ZMYND11: variants seen among roughly 807,000 people sequenced by gnomAD.
The protein encoded by ZMYND11 is zinc finger MYND-type containing 11.
ZMYND11 carries 9 observed loss-of-function variants against 84.9 expected under a neutral mutation model. The ratio of observed to expected loss-of-function variants is 0.11; its 90% confidence interval spans 0.06 to 0.18. ZMYND11 has a LOEUF of 0.18. Among genes scored for constraint, ZMYND11 ranks in the 10% least tolerant of loss-of-function variants. The probability of loss-of-function intolerance (pLI) is 1.00; values close to 1 mark genes in which losing one functional copy is unlikely to be tolerated. For missense variants in ZMYND11, 409 were observed against 761.0 expected, an observed-to-expected ratio of 0.54 and a Z score of 5.44; for synonymous variants, 250 against 244.1, an observed-to-expected ratio of 1.02 and a Z score of -0.23.
intron 2 of ZMYND11, among the ~76,000 whole-genome samples, chr10:202,160 T>C (rs531899121): frequency 6.6e-6 from 1 of 152,304 alleles, no homozygotes; most frequent in East Asian, 1.9e-4. Flanking sequence ...CAGAGTTTAT[T>C]ATTAATTCCA....
intron 4 of ZMYND11, among the ~76,000 whole-genome samples, chr10:233,063 G>GAGGT (rs1949277320): frequency 6.6e-6 from 1 of 152,170 alleles, no homozygotes; most frequent in Admixed American, 6.5e-5. Flanking sequence ...TTTACATGAC[G>GAGGT]AGGTCTCTTA....
At chr10:150,967 G>A (rs1010539680) in intron 1 of ZMYND11, among the ~76,000 whole-genome samples, 2 of 152,182 alleles carry the variant, frequency 1.3e-5, no homozygotes, top group Non-Finnish European at 2.9e-5. Context: ...GGTCTGGAGT[G>A]GACCTCCAGC....
At chr10:227,078 A>G (rs531305601) in intron 4 of ZMYND11, among the ~76,000 whole-genome samples, 42 of 152,214 alleles carry the variant, frequency 2.8e-4, no homozygotes, top group Non-Finnish European at 4.4e-4. Flanking sequence ...ATGTAGAAAC[A>G]CAAGAAAATG....
chr10:191,504 G>A, intron 2 of ZMYND11, among the ~76,000 whole-genome samples: 1 of 152,202 alleles, frequency 6.6e-6, no homozygotes. Flanking sequence ...CAGGTCACGT[G>A]TTGGAATTGG....
chr10:148,845 G>C (rs1211851981), intron 1 of ZMYND11: 5 of 152,086 alleles, frequency 3.3e-5, no homozygotes. Context: ...ACTGTCTTCC[G>C]GGTTAGACCT....
At chr10:203,174 C>T (rs1273504629) in intron 2 of ZMYND11, among the ~76,000 whole-genome samples, 2 of 152,006 alleles carry the variant, frequency 1.3e-5, no homozygotes, top group Admixed American at 6.6e-5. Flanking sequence ...GATAAGGATA[C>T]CCACTGTTAC....
At chr10:153,608 C>G (rs1840946296) in intron 1 of ZMYND11, among the ~76,000 whole-genome samples, 1 of 152,148 alleles carries the variant, frequency 6.6e-6, no homozygotes, top group Admixed American at 6.5e-5. Flanking sequence ...AATGGCAATT[C>G]AAAGCATTTA....
In ZMYND11 at chr10:246,814, T is replaced by C. The variant is rs774625732; in HGVS notation, c.999T>C (p.His333=). 1 of 1,614,150 alleles carries C rather than the reference T, an allele frequency of 6.2e-7. No homozygotes were observed. Among genetic ancestry groups the C allele is most frequent in the Non-Finnish European group, 8.5e-7 (1 of 1,180,040 alleles). ...TTCAAGATATCACAGTCAACATTCA[T>C]CGGCTGCACGTGAAGCGCAGTATGG... ...ENIQDITVNI[H]RLHVKRSMGW... is the part of the protein sequence containing the mutation. The change falls in exon 11 of 15, where the codon CAT becomes CAC. Residue 333 remains histidine, a synonymous_variant. Transcript: ENST00000381604.
chr10:167,466 A>G lies in ZMYND11; in HGVS notation c.-19-12528A>G, dbSNP rs9419434. On this transcript the variant is annotated intron_variant, in intron 1 of 14. Transcript: ENST00000381604. ...ATCCTTTTGCTTTACTAGTATAACT[A>G]AAAAAGTAATTAAAAAATTTTTTAA... Among the ~76,000 whole-genome samples the G allele has an allele frequency of 1.6e-3, 242 of 152,282 alleles. 1 individual carries two copies. The highest frequency in any genetic ancestry group is 5.6e-3 in the African/African-American group (231 of 41,568).
At chr10:141,687 A>G (rs1365796463) in intron 1 of ZMYND11, among the ~76,000 whole-genome samples, 1 of 152,218 alleles carries the variant, frequency 6.6e-6, no homozygotes, top group Non-Finnish European at 1.5e-5. Flanking sequence ...AATATCAAAC[A>G]TATATTGTGT....
chr10:233,837 C>T (rs1035133703), intron 4 of ZMYND11, among the ~76,000 whole-genome samples: 2 of 152,214 alleles, frequency 1.3e-5, no homozygotes, highest in Non-Finnish European at 2.9e-5. Context: ...TATATGCATT[C>T]TGACTTCCCC....
At chr10:249,316 T>C in intron 14 of ZMYND11, 1 of 1,360,506 alleles carries the variant, frequency 7.4e-7, no homozygotes. Flanking sequence ...AAATTGAGAT[T>C]ATAATACCTT....
intron 1 of ZMYND11, among the ~76,000 whole-genome samples, chr10:140,409 T>C (rs1014610684): frequency 1.9e-4 from 29 of 152,254 alleles, no homozygotes; most frequent in African/African-American, 6.5e-4. Flanking sequence ...CATAGAGTTA[T>C]TTAGTTTGTA....
At chr10:166,914 A>C (rs1844139265) in intron 1 of ZMYND11, among the ~76,000 whole-genome samples, 1 of 152,160 alleles carries the variant, frequency 6.6e-6, no homozygotes. Context: ...TTCTTCAGCC[A>C]TAAGAAGAAA....
chr10:138,318 GC>G (rs1554752876), intron 1 of ZMYND11, among the ~76,000 whole-genome samples: 2 of 151,920 alleles, frequency 1.3e-5, no homozygotes. Context: ...GGGGTGGTTT[GC>G]CATGTTGGCC....
At chr10:212,434 A>G (rs1414201398) in intron 3 of ZMYND11, among the ~76,000 whole-genome samples, 1 of 151,886 alleles carries the variant, frequency 6.6e-6, no homozygotes, top group African/African-American at 2.4e-5. Flanking sequence ...ACAAGTGAAT[A>G]TATCAAAATT....
intron 2 of ZMYND11, among the ~76,000 whole-genome samples, chr10:192,571 T>A (rs1940735145): frequency 6.6e-6 from 1 of 152,226 alleles, no homozygotes; most frequent in Non-Finnish European, 1.5e-5. Flanking sequence ...AATTTGTTGG[T>A]CTGTCTGTCC....
intron 14 of ZMYND11, among the ~76,000 whole-genome samples, chr10:251,957 TAAC>T (rs1953578761): frequency 6.6e-6 from 1 of 152,118 alleles, no homozygotes; most frequent in African/African-American, 2.4e-5. Flanking sequence ...CAGCGTATGT[TAAC>T]GACGAGAGAA....
intron 2 of ZMYND11, among the ~76,000 whole-genome samples, chr10:205,882 C>T (rs976231724): frequency 3.3e-5 from 5 of 150,952 alleles, no homozygotes; most frequent in Admixed American, 1.3e-4. Context: ...TTAACAATGG[C>T]GTGTATAACT....
Sources: allele counts gnomAD v4.1 joint callset (sites outside exome capture counted in the v4.1 genomes callset), GRCh38; gene constraint gnomAD v4.1.1; transcripts MANE v1.5; gene names NCBI Gene and HGNC (gene_info 2026-07-23, HGNC 2026-07-21).